The following PDE11A variants were observed in gnomAD, a reference collection of about 807,000 sequenced individuals.
PDE11A encodes phosphodiesterase 11A, also known as dual 3',5'-cyclic-AMP and -GMP phosphodiesterase 11A.
Under a neutral mutation model 100.5 loss-of-function variants are expected in PDE11A, and 100 were observed. The observed-to-expected ratio is 1.00, with a 90% CI of 0.85 to 1.18. The LOEUF is 1.18. Ranked by LOEUF, PDE11A falls within the 50% of genes most tolerant of loss-of-function variation. The pLI is 0.00. For synonymous variants in PDE11A, 381 were observed against 420.8 expected, an observed-to-expected ratio of 0.91 and a Z score of 1.16; for missense variants, 1,141 against 1,152.6, an observed-to-expected ratio of 0.99 and a Z score of 0.15.
chr2:177,702,085 C>A (rs960983519), intron 13 of PDE11A, among the ~76,000 whole-genome samples: 1 of 152,068 alleles, frequency 6.6e-6, no homozygotes, highest in African/African-American at 2.4e-5. Context: ...TGACTATTTC[C>A]ATTTTAAATT....
chr2:177,806,768 TTA>T (rs1336048522), intron 9 of PDE11A, among the ~76,000 whole-genome samples: 1 of 152,056 alleles, frequency 6.6e-6, no homozygotes, highest in Non-Finnish European at 1.5e-5. Flanking sequence ...TGTTAAAAAT[TTA>T]TAGAAGAAAT....
intron 1 of PDE11A, among the ~76,000 whole-genome samples, chr2:178,049,684 C>T (rs781443983): frequency 1.3e-4 from 20 of 152,144 alleles, no homozygotes; most frequent in Non-Finnish European, 2.5e-4. Context: ...TCTTAGCAAA[C>T]GGCACACCAG....
chr2:177,811,312 G>C (rs946727029), intron 9 of PDE11A, among the ~76,000 whole-genome samples: 1 of 151,976 alleles, frequency 6.6e-6, no homozygotes, highest in African/African-American at 2.4e-5. Context: ...TTATTAAAAT[G>C]ATAGTAAATG....
intron 15 of PDE11A, among the ~76,000 whole-genome samples, chr2:177,695,231 T>A (rs1446104987): frequency 6.6e-6 from 1 of 152,142 alleles, no homozygotes; most frequent in African/African-American, 2.4e-5. Context: ...TGGGTACATA[T>A]GACATTTTGT....
At chr2:178,084,788 C>G (rs2087328834) in intron 2 of PDE11A, among the ~76,000 whole-genome samples, 1 of 151,846 alleles carries the variant, frequency 6.6e-6, no homozygotes, top group South Asian at 2.1e-4. Flanking sequence ...ACCCTCTTCC[C>G]TCTAAAAGAA....
chr2:177,893,303 A>AT lies in PDE11A; in HGVS notation c.1302+4754dup, dbSNP rs571380316. ...ATATTATTTATTTATTCATCTATTT[A>AT]TTGATTGATTGATTTTCGGAGGTGT... is the stretch of plus-strand genomic sequence containing the variant. On this transcript the variant is annotated intron_variant, in intron 4 of 19. Transcript: ENST00000286063. Among the ~76,000 whole-genome samples the AT allele has an allele frequency of 1.2e-3, 179 of 152,090 alleles. 1 individual carries two copies. Among genetic ancestry groups the AT allele is most frequent in the Middle Eastern group, 0.01 (3 of 294 alleles).
intron 4 of PDE11A, among the ~76,000 whole-genome samples, chr2:177,891,886 A>G (rs2084534762): frequency 6.6e-6 from 1 of 152,212 alleles, no homozygotes; most frequent in South Asian, 2.1e-4. Context: ...TACAGAAAAA[A>G]TTGCCAATTT....
chr2:177,809,176 G>T (rs2082912969), intron 9 of PDE11A, among the ~76,000 whole-genome samples: 1 of 152,148 alleles, frequency 6.6e-6, no homozygotes, highest in African/African-American at 2.4e-5. Flanking sequence ...AAGTTCTGGA[G>T]ATGGATAGTG....
chr2:178,024,953 A>G lies in PDE11A; in HGVS notation c.913-10493T>C, dbSNP rs149079088. Reference sequence around the variant, plus strand: ...ACTTTCTTCATAGAAAGAAGAACTAATTGTTCTGAATTGATGGAAGACTTG... The same window carrying G: ...ACTTTCTTCATAGAAAGAAGAACTAGTTGTTCTGAATTGATGGAAGACTTG... On this transcript the variant is annotated intron_variant, in intron 1 of 19. Transcript: ENST00000286063. Among the ~76,000 whole-genome samples the G allele has an allele frequency of 5.1e-3, 780 of 152,354 alleles. 4 individuals carry two copies. Among genetic ancestry groups the G allele is most frequent in the Non-Finnish European group, 9.0e-3 (615 of 68,032 alleles).
chr2:177,768,397 G>A lies in PDE11A; in HGVS notation c.1788+926C>T, dbSNP rs79341433. ...ATATGCAAATGGGACTCTTAGAAAA[G>A]TGTCCATCACCAAGTGATATTACAT... On this transcript the variant is annotated intron_variant, in intron 10 of 19. Transcript: ENST00000286063. Among the ~76,000 whole-genome samples, 249 of 152,284 alleles carry A rather than the reference G, an allele frequency of 1.6e-3. 5 individuals carry two copies. In the East Asian group the frequency reaches 0.043, roughly 26 times the overall value.
Position 177,728,094 on chromosome 2 carries a change from T to C in PDE11A, c.1867A>G (p.Met623Val), listed in dbSNP as rs1471297033. The change falls in exon 11 of 20, where the codon ATG becomes GTG. Residue 623 changes from methionine (M) to valine (V), a missense_variant. By Grantham distance (21) the Met-to-Val change is conservative (BLOSUM62 1). Transcript: ENST00000286063. ...FDDFSLDVDA[M>V]ITAALRMFME... The stretch of plus-strand genomic sequence containing the variant: ...AACATCCGGAGAGCAGCTGTGATCA[T>C]GGCATCAACGTCGAGAGAAAAGTCA... 3 of 1,612,816 alleles carry C rather than the reference T, an allele frequency of 1.9e-6. No homozygotes were observed. The Middle Eastern group carries it at 5.0e-4, about 266-fold the overall frequency.
chr2:178,044,765 C>G (rs2086728963), intron 1 of PDE11A, among the ~76,000 whole-genome samples: 1 of 152,130 alleles, frequency 6.6e-6, no homozygotes, highest in South Asian at 2.1e-4. Flanking sequence ...AAGTGCTACA[C>G]AAGTATATCA....
At chr2:177,658,033 G>T (rs923947312) in intron 19 of PDE11A, among the ~76,000 whole-genome samples, 2 of 152,168 alleles carry the variant, frequency 1.3e-5, no homozygotes, top group Non-Finnish European at 2.9e-5. Context: ...AGCCAGAGCT[G>T]GTGGCCAGGG....
At chr2:177,755,505 A>G (rs969265951) in intron 10 of PDE11A, among the ~76,000 whole-genome samples, 1 of 152,168 alleles carries the variant, frequency 6.6e-6, no homozygotes, top group African/African-American at 2.4e-5. Flanking sequence ...GACAGCTATG[A>G]TACCATCCAC....
chr2:177,830,667 G>T (rs1443517963), intron 6 of PDE11A, among the ~76,000 whole-genome samples: 3 of 149,918 alleles, frequency 2.0e-5, no homozygotes, highest in Non-Finnish European at 3.0e-5. Context: ...TGTTTTAAGT[G>T]CTGAGTTTGT....
chr2:177,969,455 G>A (rs975285235), intron 2 of PDE11A, among the ~76,000 whole-genome samples: 2 of 152,070 alleles, frequency 1.3e-5, no homozygotes, highest in African/African-American at 4.8e-5. Context: ...ACTCTCCAGT[G>A]TTTGCATTAT....
chr2:178,082,710 G>C (rs1231757834), intron 2 of PDE11A, among the ~76,000 whole-genome samples: 1 of 152,192 alleles, frequency 6.6e-6, no homozygotes, highest in Non-Finnish European at 1.5e-5. Context: ...GCATTAGCAT[G>C]ATCCAAGGGT....
At chr2:177,666,173 T>C (rs546369583) in intron 18 of PDE11A, among the ~76,000 whole-genome samples, 7 of 152,360 alleles carry the variant, frequency 4.6e-5, no homozygotes, top group African/African-American at 1.7e-4. Context: ...TGCAATCTTA[T>C]GATATGTGGT....
chr2:177,663,584 G>A, intron 19 of PDE11A, among the ~76,000 whole-genome samples: 1 of 152,134 alleles, frequency 6.6e-6, no homozygotes, highest in Non-Finnish European at 1.5e-5. Context: ...CACAGTTTGA[G>A]AGATAGTAAA....
Sources: gnomAD v4.1 joint callset for allele counts (sites outside exome capture counted in the v4.1 genomes callset) on GRCh38, gnomAD v4.1.1 for gene constraint, MANE v1.5 for transcripts, NCBI Gene and HGNC (gene_info 2026-07-23, HGNC 2026-07-21) for gene names.